Variants in EYS observed in about 807,000 individuals in gnomAD.
EYS encodes EGF-like photoreceptor maintenance factor.
EYS carries 250 observed loss-of-function variants against 282.1 expected under a neutral mutation model. The ratio of observed to expected loss-of-function variants is 0.89; its 90% confidence interval spans 0.80 to 0.98. The LOEUF is 0.98. Ranked by LOEUF, EYS falls within the 50% of genes least tolerant of loss-of-function variation. EYS has a pLI of 0.00. For missense variants in EYS, 4,016 were observed against 3,709.0 expected (o/e 1.08, Z -2.15); for synonymous variants, 1,355 against 1,282.9 (o/e 1.06, Z -1.20).
At position 64,590,566 on chromosome 6, in the gene EYS, T is replaced by C. The variant is rs1255332839; in HGVS notation, c.5301A>G (p.Ala1767=). The change falls in exon 26 of 43, where the codon GCA becomes GCG. Residue 1767 remains alanine, a synonymous_variant. Transcript: ENST00000503581. ...GTGGCAGATTATTTTTGAAGTCATT[T>C]GCATGTGTAATTTCTGAATATGTCT... ...TLKTYSEITH[A]NDFKNNLPPL... is the part of the protein sequence containing the mutation. The C allele has an allele frequency of 6.4e-7, 1 of 1,551,418 alleles. No individual in the cohort carries two copies. Among genetic ancestry groups the C allele is most frequent in the Non-Finnish European group, 8.7e-7 (1 of 1,146,790 alleles).
chr6:63,868,763 G>A (rs1482049065), intron 35 of EYS, among the ~76,000 whole-genome samples: 1 of 152,142 alleles, frequency 6.6e-6, no homozygotes, highest in Non-Finnish European at 1.5e-5. Context: ...ATAAGAGCCT[G>A]CTAATTACAA....
At chr6:64,950,165 A>T (rs1769435172) in intron 14 of EYS, among the ~76,000 whole-genome samples, 2 of 152,012 alleles carry the variant, frequency 1.3e-5, no homozygotes, top group Admixed American at 6.6e-5. Context: ...AAGTGGATTA[A>T]TATAAGAAAA....
chr6:63,844,637 TG>T (rs1402993809), intron 36 of EYS, among the ~76,000 whole-genome samples: 1 of 152,198 alleles, frequency 6.6e-6, no homozygotes, highest in Non-Finnish European at 1.5e-5. Context: ...TTCATATTTT[TG>T]TTGGCTGCAT....
At chr6:64,252,866 G>T (rs1582488723) in intron 30 of EYS, among the ~76,000 whole-genome samples, 1 of 152,036 alleles carries the variant, frequency 6.6e-6, no homozygotes, top group South Asian at 2.1e-4. Flanking sequence ...ACTCCTCCTA[G>T]AATCTAAACT....
intron 7 of EYS, among the ~76,000 whole-genome samples, chr6:65,401,992 A>G (rs934262255): frequency 6.6e-5 from 10 of 151,978 alleles, no homozygotes; most frequent in African/African-American, 2.2e-4. Flanking sequence ...TAAATGAGTA[A>G]TCTGTGGCAA....
chr6:64,582,528 A>G (rs774788370), intron 26 of EYS, among the ~76,000 whole-genome samples: 2 of 151,934 alleles, frequency 1.3e-5, no homozygotes, highest in Non-Finnish European at 2.9e-5. Flanking sequence ...TTGTCTTTCC[A>G]AAAACAAGGA....
chr6:64,355,322 C>G (rs758441228), intron 29 of EYS, among the ~76,000 whole-genome samples: 3 of 151,476 alleles, frequency 2.0e-5, no homozygotes, highest in Non-Finnish European at 4.4e-5. Context: ...GCTTCCAGGT[C>G]CCTTAGTTTC....
intron 30 of EYS, among the ~76,000 whole-genome samples, chr6:64,297,870 C>G (rs576190046): frequency 1.3e-3 from 190 of 151,146 alleles, no homozygotes; most frequent in Admixed American, 4.4e-3. Context: ...CCCAGCTACT[C>G]AGGAGGCTGA....
intron 8 of EYS, among the ~76,000 whole-genome samples, chr6:65,383,810 C>G (rs578042377): frequency 3.8e-4 from 58 of 151,770 alleles, no homozygotes; most frequent in Non-Finnish European, 4.6e-4. Context: ...CATTGTGAGA[C>G]TACACCATGA....
intron 12 of EYS, among the ~76,000 whole-genome samples, chr6:65,154,151 C>CATATATAAGTGTGTGGTAT (rs1332117572): frequency 6.6e-6 from 1 of 151,674 alleles, no homozygotes; most frequent in East Asian, 1.9e-4. Context: ...ACTCCTACCA[C>CATATATAAGTGTGTGGTAT]ATATAAGTAG....
rs574194304 is a variant in EYS at position 64,991,737 on chromosome 6, G to A, written c.2259+5845C>T. On this transcript the variant is annotated intron_variant, in intron 14 of 42. Coordinates refer to ENST00000503581, the MANE Select transcript of EYS (RefSeq NM_001142800.2). ...TCTTAAAGACAAAAACATTAAAACC[G>A]AAGGAGGAATCCACAAGAAAATAGT... Among the ~76,000 whole-genome samples the A allele has an allele frequency of 1.5e-4, 22 of 151,678 alleles. No homozygotes were observed. In the East Asian group the frequency reaches 1.9e-3, roughly 13 times the overall value.
chr6:64,326,291 C>T (rs1450768964), intron 29 of EYS, among the ~76,000 whole-genome samples: 1 of 152,088 alleles, frequency 6.6e-6, no homozygotes, highest in Admixed American at 6.6e-5. Flanking sequence ...CTCCACATTC[C>T]TCAAAGTTTA....
At chr6:65,423,099 A>G (rs143888869) in intron 5 of EYS, among the ~76,000 whole-genome samples, 22 of 152,010 alleles carry the variant, frequency 1.4e-4, no homozygotes, top group Non-Finnish European at 2.4e-4. Flanking sequence ...TAGAGAATAT[A>G]CTGCATAATC....
At chr6:64,885,970 A>T (rs1767072359) in intron 19 of EYS, among the ~76,000 whole-genome samples, 1 of 151,902 alleles carries the variant, frequency 6.6e-6, no homozygotes, top group Non-Finnish European at 1.5e-5. Context: ...GTGCTGCACA[A>T]ATCAGATGTT....
At chr6:64,184,996 G>A (rs1299089016) in intron 31 of EYS, among the ~76,000 whole-genome samples, 1 of 151,894 alleles carries the variant, frequency 6.6e-6, no homozygotes, top group Non-Finnish European at 1.5e-5. Context: ...TGAGGGTGGA[G>A]TCTTCATGAA....
At chr6:65,427,488 TTTC>T (rs1767705347) in intron 5 of EYS, among the ~76,000 whole-genome samples, 1 of 152,076 alleles carries the variant, frequency 6.6e-6, no homozygotes, top group African/African-American at 2.4e-5. Context: ...TAAATTGTGT[TTTC>T]AATAGCCTAT....
chr6:64,959,567 G>C (rs549998724), intron 14 of EYS, among the ~76,000 whole-genome samples: 3 of 152,234 alleles, frequency 2.0e-5, no homozygotes, highest in African/African-American at 7.2e-5. Flanking sequence ...TTTGATTCTG[G>C]TCCCAGATGC....
At chr6:64,022,847 C>T (rs1769256204) in intron 33 of EYS, among the ~76,000 whole-genome samples, 1 of 152,192 alleles carries the variant, frequency 6.6e-6, no homozygotes, top group Non-Finnish European at 1.5e-5. Context: ...TTTTATAAAA[C>T]CGCCAACCTT....
chr6:63,721,335 C>CTCT lies in EYS; in HGVS notation c.8695_8696insAGA (p.Cys2899delinsTer). The stretch of plus-strand genomic sequence containing the variant: ...TCCAGCCCAATCTGGCAAACATCTG[C>CTCT]AAGAAAAAGTTGTGCCATTTACTGT... On this transcript the variant is annotated stop_gained, in exon 43 of 43. Coordinates refer to ENST00000503581, the MANE Select transcript of EYS (RefSeq NM_001142800.2). LOFTEE classifies it low-confidence loss of function (END_TRUNC). 6.4e-7 allele frequency: 1 copy of CTCT among 1,551,972 alleles called. No individual in the cohort carries two copies. Among genetic ancestry groups the CTCT allele is most frequent in the Non-Finnish European group, 8.7e-7 (1 of 1,147,002 alleles).
Sources: gnomAD v4.1 joint callset for allele counts (sites outside exome capture counted in the v4.1 genomes callset) on GRCh38, gnomAD v4.1.1 for gene constraint, MANE v1.5 for transcripts, NCBI Gene and HGNC (gene_info 2026-07-23, HGNC 2026-07-21) for gene names.